The following NTM variants were observed in gnomAD, a reference collection of about 807,000 sequenced individuals.
The protein encoded by NTM is neurotrimin, also known as IgLON family member 2.
NTM carries 13 observed loss-of-function variants against 42.1 expected under a neutral mutation model. That is an observed-to-expected ratio of 0.31 (90% CI 0.20 to 0.49). The LOEUF is 0.49. NTM is among the 20% of genes least tolerant of loss of function. The probability of loss-of-function intolerance (pLI) is 0.99; values close to 1 mark genes in which losing one functional copy is unlikely to be tolerated. For synonymous variants in NTM, 187 were observed against 179.2 expected, an observed-to-expected ratio of 1.04 and a Z score of -0.35; for missense variants, 373 against 452.8, an observed-to-expected ratio of 0.82 and a Z score of 1.60.
At chr11:131,653,575 A>AC (rs1166946821) in intron 1 of NTM, among the ~76,000 whole-genome samples, 7 of 152,256 alleles carry the variant, frequency 4.6e-5, no homozygotes, top group Non-Finnish European at 7.3e-5. Flanking sequence ...GGCTGAGTGG[A>AC]GGGCAATCCT....
chr11:131,833,876 T>A (rs1389773526), intron 1 of NTM, among the ~76,000 whole-genome samples: 1 of 152,214 alleles, frequency 6.6e-6, no homozygotes, highest in African/African-American at 2.4e-5. Context: ...AGACTTTATT[T>A]TGCCCAAAGA....
At chr11:131,780,923 C>T (rs1303379121) in intron 1 of NTM, among the ~76,000 whole-genome samples, 1 of 152,100 alleles carries the variant, frequency 6.6e-6, no homozygotes, top group African/African-American at 2.4e-5. Context: ...AAAAGATTTG[C>T]TGGAATCTGT....
chr11:131,985,133 G>T (rs976107905), intron 2 of NTM, among the ~76,000 whole-genome samples: 11 of 152,048 alleles, frequency 7.2e-5, no homozygotes, highest in African/African-American at 2.7e-4. Flanking sequence ...TGTGATCATC[G>T]GTGTAAACAA....
intron 1 of NTM, among the ~76,000 whole-genome samples, chr11:131,611,870 T>A (rs760884266): frequency 6.6e-6 from 1 of 152,202 alleles, no homozygotes; most frequent in African/African-American, 2.4e-5. Flanking sequence ...TTTCTGAAGA[T>A]GGTCAGAAGT....
At chr11:132,300,378 C>G (rs1342496446) in intron 4 of NTM, among the ~76,000 whole-genome samples, 8 of 152,134 alleles carry the variant, frequency 5.3e-5, no homozygotes. Flanking sequence ...ATCTTATGTT[C>G]TCCATTTTAC....
chr11:131,789,784 G>T, intron 1 of NTM, among the ~76,000 whole-genome samples: 1 of 118,736 alleles, frequency 8.4e-6, no homozygotes, highest in South Asian at 2.5e-4. Flanking sequence ...GTGAAACCCC[G>T]TCTCTACTAA....
intron 2 of NTM, among the ~76,000 whole-genome samples, chr11:131,985,847 T>A (rs894623731): frequency 6.6e-6 from 1 of 152,146 alleles, no homozygotes; most frequent in Non-Finnish European, 1.5e-5. Flanking sequence ...CCACCACATA[T>A]AACTGTTGTG....
intron 1 of NTM, among the ~76,000 whole-genome samples, chr11:131,835,676 A>G (rs1245604176): frequency 6.6e-6 from 1 of 152,184 alleles, no homozygotes; most frequent in Non-Finnish European, 1.5e-5. Flanking sequence ...AAAATTATTT[A>G]GAGCTATTAA....
At chr11:131,980,936 C>T (rs377226720) in intron 2 of NTM, among the ~76,000 whole-genome samples, 1 of 152,184 alleles carries the variant, frequency 6.6e-6, no homozygotes, top group African/African-American at 2.4e-5. Context: ...GTACTTTGTT[C>T]CATCTGCCTA....
chr11:132,304,863 G>A (rs895725491), intron 4 of NTM, among the ~76,000 whole-genome samples: 4 of 152,180 alleles, frequency 2.6e-5, no homozygotes, highest in African/African-American at 9.7e-5. Flanking sequence ...TTGGTCCAGG[G>A]AACATAGGAA....
chr11:131,638,625 C>G (rs1323420148), intron 1 of NTM, among the ~76,000 whole-genome samples: 1 of 140,238 alleles, frequency 7.1e-6, no homozygotes, highest in East Asian at 2.2e-4. Context: ...GAAAACTTTT[C>G]TGGAATTGCT....
intron 1 of NTM, among the ~76,000 whole-genome samples, chr11:131,581,474 A>T (rs1307978042): frequency 6.6e-6 from 1 of 152,190 alleles, no homozygotes; most frequent in Non-Finnish European, 1.5e-5. Flanking sequence ...AAATAAAATG[A>T]GTGTTCCTAT....
intron 2 of NTM, among the ~76,000 whole-genome samples, chr11:132,047,898 C>T (rs923496477): frequency 2.0e-5 from 3 of 152,178 alleles, no homozygotes; most frequent in African/African-American, 2.4e-5. Context: ...GTTGGGTGGA[C>T]GACCCGCTTG....
At chr11:132,208,650 T>C (rs2082355049) in intron 3 of NTM, among the ~76,000 whole-genome samples, 1 of 152,146 alleles carries the variant, frequency 6.6e-6, no homozygotes, top group South Asian at 2.1e-4. Context: ...TAGTGTATGA[T>C]TAGCAGATTA....
intron 1 of NTM, among the ~76,000 whole-genome samples, chr11:131,487,443 G>A (rs1326723355): frequency 3.3e-5 from 5 of 152,304 alleles, no homozygotes; most frequent in South Asian, 2.1e-4. Context: ...ATTGGTTAAA[G>A]GTTACCAAGC....
At chr11:131,874,015 T>A (rs1397662705) in intron 1 of NTM, among the ~76,000 whole-genome samples, 4 of 67,514 alleles carry the variant, frequency 5.9e-5, no homozygotes, top group African/African-American at 1.5e-4. Context: ...ATAATATATT[T>A]ATATAATATA....
intron 2 of NTM, among the ~76,000 whole-genome samples, chr11:132,117,719 G>T (rs1285911792): frequency 1.3e-5 from 2 of 152,136 alleles, no homozygotes; most frequent in Non-Finnish European, 2.9e-5. Flanking sequence ...TTTATTTGGG[G>T]TTTTGTTTGT....
At chr11:131,483,723 C>T (rs990960109) in intron 1 of NTM, among the ~76,000 whole-genome samples, 2 of 152,216 alleles carry the variant, frequency 1.3e-5, no homozygotes, top group Admixed American at 6.5e-5. Flanking sequence ...GCGTTTCACC[C>T]TGCGTGAAAG....
chr11:131,404,506 G>A (rs576677165), intron 1 of NTM, among the ~76,000 whole-genome samples: 1 of 152,152 alleles, frequency 6.6e-6, no homozygotes, highest in East Asian at 1.9e-4. Context: ...CCACTTCTCC[G>A]GGAGATCTCA....
Sources: allele counts gnomAD v4.1 joint callset (sites outside exome capture counted in the v4.1 genomes callset), GRCh38; gene constraint gnomAD v4.1.1; transcripts MANE v1.5; gene names NCBI Gene and HGNC (gene_info 2026-07-23, HGNC 2026-07-21).